Variants in HNF4G observed in about 807,000 individuals in gnomAD.
HNF4G encodes hepatocyte nuclear factor 4 gamma, also known as hepatocyte nuclear factor 4-gamma.
HNF4G carries 21 observed loss-of-function variants against 50.9 expected under a neutral mutation model. That is an observed-to-expected ratio of 0.41 (90% CI 0.29 to 0.59). The LOEUF (loss-of-function observed/expected upper bound fraction) is 0.59, where lower values mean the gene tolerates loss of function less well. HNF4G is among the 20% of genes least tolerant of loss of function. The pLI is 0.26. For synonymous variants in HNF4G, 198 were observed against 185.6 expected (o/e 1.07, Z -0.54); for missense variants, 527 against 559.4 (o/e 0.94, Z 0.58).
intron 1 of HNF4G, among the ~76,000 whole-genome samples, chr8:75,431,163 G>A (rs987359353): frequency 5.9e-5 from 9 of 151,996 alleles, no homozygotes; most frequent in Non-Finnish European, 8.8e-5. Flanking sequence ...TTATATAGAA[G>A]GTAGAGCAAG....
chr8:75,490,759 A>G (rs1270079157), intron 2 of HNF4G, among the ~76,000 whole-genome samples: 1 of 152,218 alleles, frequency 6.6e-6, no homozygotes, highest in Non-Finnish European at 1.5e-5. Flanking sequence ...CATAATGTAG[A>G]TAATGAAAAC....
intron 1 of HNF4G, among the ~76,000 whole-genome samples, chr8:75,449,944 A>C (rs2130575800): frequency 6.6e-6 from 1 of 152,300 alleles, no homozygotes; most frequent in Admixed American, 6.5e-5. Flanking sequence ...CCCCCGATGT[A>C]TGTATATTCT....
intron 4 of HNF4G, 120 bp downstream of exon 4, chr8:75,551,614 C>T (rs1429103018): frequency 6.6e-6 from 4 of 603,482 alleles, no homozygotes; most frequent in South Asian, 4.4e-5. Context: ...GTTACATCTA[C>T]ACACAATTAA....
chr8:75,489,987 T>C (rs1812585447), intron 1 of HNF4G: 1 of 152,308 alleles, frequency 6.6e-6, no homozygotes, highest in African/African-American at 2.4e-5. Flanking sequence ...GGACTCCTTT[T>C]GGGCTATTGG....
intron 1 of HNF4G, among the ~76,000 whole-genome samples, chr8:75,543,085 T>C: frequency 6.6e-6 from 1 of 152,060 alleles, no homozygotes. Flanking sequence ...CACACGTCTG[T>C]AATCTCAGCT....
intron 6 of HNF4G, among the ~76,000 whole-genome samples, chr8:75,557,272 A>G (rs965406598): frequency 7.9e-5 from 12 of 152,354 alleles, no homozygotes; most frequent in Non-Finnish European, 1.6e-4. Context: ...GAGGTGAAAT[A>G]TATGTTAATG....
At chr8:75,501,634 A>G (rs1048206228) in intron 2 of HNF4G, among the ~76,000 whole-genome samples, 2 of 152,164 alleles carry the variant, frequency 1.3e-5, no homozygotes, top group African/African-American at 4.8e-5. Flanking sequence ...AAAAAATTAC[A>G]TCCCTTACCA....
chr8:75,487,041 A>G (rs1400545733), intron 1 of HNF4G, among the ~76,000 whole-genome samples: 3 of 151,830 alleles, frequency 2.0e-5, no homozygotes, highest in Non-Finnish European at 4.4e-5. Flanking sequence ...GTAATGTTAA[A>G]TCCCACTTAC....
At chr8:75,449,730 A>G (rs903700730) in intron 1 of HNF4G, among the ~76,000 whole-genome samples, 10 of 151,944 alleles carry the variant, frequency 6.6e-5, no homozygotes, top group Middle Eastern at 3.4e-3. Flanking sequence ...GATGGTCTCG[A>G]TCTCCTGACC....
intron 1 of HNF4G, among the ~76,000 whole-genome samples, chr8:75,425,736 T>G (rs1037057924): frequency 1.3e-5 from 2 of 151,944 alleles, no homozygotes; most frequent in African/African-American, 4.8e-5. Flanking sequence ...CTGTGTATTT[T>G]TCTGTTGTTC....
intron 1 of HNF4G, among the ~76,000 whole-genome samples, chr8:75,415,630 A>G (rs1476821432): frequency 6.6e-6 from 1 of 152,218 alleles, no homozygotes; most frequent in Admixed American, 6.5e-5. Flanking sequence ...TACACGGTCT[A>G]CAGTGTTTCC....
chr8:75,531,796 C>T (rs1305008594), intron 2 of HNF4G, among the ~76,000 whole-genome samples: 1 of 151,968 alleles, frequency 6.6e-6, no homozygotes, highest in Non-Finnish European at 1.5e-5. Context: ...TATGCAAATA[C>T]TATGCCATTT....
At chr8:75,443,948 A>G (rs1217007855) in intron 1 of HNF4G, among the ~76,000 whole-genome samples, 1 of 152,190 alleles carries the variant, frequency 6.6e-6, no homozygotes, top group Non-Finnish European at 1.5e-5. Context: ...TTAAAGCTCT[A>G]TGATACTGGT....
At position 75,558,514 on chromosome 8, in the gene HNF4G, A is replaced by T. The variant is rs754814819; in HGVS notation, c.734-4A>T. ...TTTGTTTTGTTTTGTTTTCTCTCTC[A>T]TAGGAAACAACTATGTTATTCACCG... On this transcript the variant is annotated splice_polypyrimidine_tract_variant and splice_region_variant and intron_variant, in intron 6 of 9. Coordinates refer to ENST00000396423, the MANE Select transcript of HNF4G (RefSeq NM_004133.5). 4 of 1,605,628 alleles carry T rather than the reference A, an allele frequency of 2.5e-6. No homozygotes were observed. The highest frequency in any genetic ancestry group is 2.5e-6 in the Non-Finnish European group (3 of 1,177,674).
intron 1 of HNF4G, among the ~76,000 whole-genome samples, chr8:75,475,506 A>AT (rs1812221689): frequency 6.6e-6 from 1 of 152,234 alleles, no homozygotes; most frequent in African/African-American, 2.4e-5. Context: ...GTGTATTTAT[A>AT]TTTATGTATG....
At chr8:75,492,240 T>C (rs2926578) in intron 2 of HNF4G, among the ~76,000 whole-genome samples, 34,609 of 152,138 alleles carry the variant, frequency 0.23, 5,141 homozygotes, top group African/African-American at 0.42. Flanking sequence ...CTCTTACTAC[T>C]ACCTACTTGT....
chr8:75,555,778 T>C (rs1807100438), intron 5 of HNF4G, among the ~76,000 whole-genome samples: 1 of 151,902 alleles, frequency 6.6e-6, no homozygotes, highest in Non-Finnish European at 1.5e-5. Flanking sequence ...TGCTAGATAG[T>C]TTTAAAATTT....
At chr8:75,498,300 T>C (rs1812832420) in intron 2 of HNF4G, among the ~76,000 whole-genome samples, 1 of 152,124 alleles carries the variant, frequency 6.6e-6, no homozygotes, top group Non-Finnish European at 1.5e-5. Context: ...ACAAATTTGA[T>C]AACTTAGATG....
intron 1 of HNF4G, among the ~76,000 whole-genome samples, chr8:75,448,902 A>T (rs1811501053): frequency 6.6e-6 from 1 of 152,212 alleles, no homozygotes; most frequent in South Asian, 2.1e-4. Flanking sequence ...ATGTAGATTT[A>T]GCTCCCTAAA....
Sources: gnomAD v4.1 joint callset for allele counts (sites outside exome capture counted in the v4.1 genomes callset) on GRCh38, gnomAD v4.1.1 for gene constraint, MANE v1.5 for transcripts, NCBI Gene and HGNC (gene_info 2026-07-23, HGNC 2026-07-21) for gene names.